Variants in SEC22A observed in about 807,000 individuals in gnomAD.
SEC22A encodes the protein SEC22 homolog A, vesicle trafficking protein, also known as vesicle-trafficking protein SEC22a.
In SEC22A, 22 loss-of-function variants were observed where a neutral mutation model predicts 35.3. That is an observed-to-expected ratio of 0.62 (90% confidence interval 0.45 to 0.89). The LOEUF (loss-of-function observed/expected upper bound fraction) is 0.89. Ranked by LOEUF, SEC22A falls within the 40% of genes least tolerant of loss-of-function variation. The pLI, the probability that SEC22A is intolerant of heterozygous loss-of-function variation, is 0.00. For synonymous variants in SEC22A, 119 were observed against 129.5 expected (o/e 0.92, Z 0.55); for missense variants, 354 against 362.5 (o/e 0.98, Z 0.19).
intron 4 of SEC22A, among the ~76,000 whole-genome samples, chr3:123,225,513 T>G (rs923767419): frequency 2.0e-5 from 3 of 152,196 alleles, no homozygotes; most frequent in Non-Finnish European, 4.4e-5. Flanking sequence ...AGGATCTCTT[T>G]GCTAGAAAAA....
At position 123,245,966 on chromosome 3, in the gene SEC22A, A is replaced by C. The variant is rs762968211; in HGVS notation, c.609A>C (p.Gly203=). The C allele has an allele frequency of 9.3e-6, 15 of 1,613,344 alleles. No individual in the cohort carries two copies. Among genetic ancestry groups the C allele is most frequent in the South Asian group, 2.2e-5 (2 of 91,034 alleles). The change falls in exon 5 of 7, where the codon GGA becomes GGC. Residue 203 remains glycine, a synonymous_variant. Coordinates refer to ENST00000492595, the MANE Select transcript of SEC22A (RefSeq NM_012430.5). ...IVGFILSLLC[G]ALNLIRGFHA... Reference sequence around the variant, plus strand: ...GATTTATCCTTAGTCTTTTATGTGGAGCTCTGAATTTAATTCGAGGCTTTC... The same window carrying C: ...GATTTATCCTTAGTCTTTTATGTGGCGCTCTGAATTTAATTCGAGGCTTTC...
At chr3:123,242,703 C>G (rs1232010347) in intron 4 of SEC22A, among the ~76,000 whole-genome samples, 3 of 152,108 alleles carry the variant, frequency 2.0e-5, no homozygotes, top group African/African-American at 7.2e-5. Flanking sequence ...GTGAAGATGG[C>G]CCTTCTGGCT....
chr3:123,245,038 G>A (rs934944582), intron 4 of SEC22A, among the ~76,000 whole-genome samples: 1 of 152,144 alleles, frequency 6.6e-6, no homozygotes, highest in Non-Finnish European at 1.5e-5. Context: ...ACCTTCCAGT[G>A]TTATTCAGAG....
chr3:123,206,059 A>C (rs1325053431), intron 1 of SEC22A, among the ~76,000 whole-genome samples: 1 of 152,216 alleles, frequency 6.6e-6, no homozygotes, highest in Non-Finnish European at 1.5e-5. Flanking sequence ...GTCTATTCAT[A>C]ATATTTCTAT....
intron 6 of SEC22A, among the ~76,000 whole-genome samples, chr3:123,260,597 CT>C (rs1476339751): frequency 1.3e-5 from 2 of 152,110 alleles, no homozygotes; most frequent in Non-Finnish European, 2.9e-5. Context: ...GCAAGAATGT[CT>C]TTGTTAAAAC....
intron 2 of SEC22A, among the ~76,000 whole-genome samples, chr3:123,210,869 C>T (rs762700102): frequency 6.6e-5 from 10 of 151,920 alleles, no homozygotes; most frequent in South Asian, 2.1e-4. Flanking sequence ...TCCAGGTGTA[C>T]GGAGGAGAGG....
At chr3:123,224,174 G>A (rs1937180067) in intron 3 of SEC22A, among the ~76,000 whole-genome samples, 1 of 151,910 alleles carries the variant, frequency 6.6e-6, no homozygotes, top group South Asian at 2.1e-4. Flanking sequence ...ACGTAAATGA[G>A]TGCAGTTATA....
In SEC22A at chr3:123,272,614, CT is replaced by C. The variant is rs1938198751; in HGVS notation, c.*893del. ...CACAAAAAATGTTGTTCAGTTCTAG[CT>C]AGAAACTAATGCCTAGAAAGGCTCC... On this transcript the variant is annotated 3_prime_UTR_variant, in exon 7 of 7. Transcript: ENST00000492595. 1 of 152,278 alleles carries C rather than the reference CT, an allele frequency of 6.6e-6. No individual in the cohort carries two copies. The highest frequency in any genetic ancestry group is 2.1e-4 in the South Asian group (1 of 4,822). 9.4% of individuals were successfully genotyped at this position (152,278 alleles called of 1,614,324 possible). A position where few individuals can be genotyped will look rare whatever the true frequency, so the allele number is the denominator to read the frequency against.
intron 4 of SEC22A, among the ~76,000 whole-genome samples, chr3:123,245,272 A>G (rs1336619336): frequency 1.3e-5 from 2 of 152,236 alleles, no homozygotes; most frequent in African/African-American, 4.8e-5. Flanking sequence ...CACCTTTACA[A>G]ATACTTTCAC....
chr3:123,220,866 T>TCATATA (rs1937107695), intron 2 of SEC22A, among the ~76,000 whole-genome samples: 1 of 71,738 alleles, frequency 1.4e-5, no homozygotes, highest in African/African-American at 5.0e-5. Flanking sequence ...AAAAAAGGTC[T>TCATATA]CATATATATA....
chr3:123,214,379 C>T (rs543618244), intron 2 of SEC22A, among the ~76,000 whole-genome samples: 17 of 152,230 alleles, frequency 1.1e-4, no homozygotes, highest in African/African-American at 3.1e-4. Flanking sequence ...TTGTGCATGT[C>T]GTAGTAGCTA....
intron 5 of SEC22A, among the ~76,000 whole-genome samples, chr3:123,258,721 T>C: frequency 1.1e-5 from 1 of 94,144 alleles, no homozygotes; most frequent in East Asian, 2.5e-4. Context: ...TATAAAGAGG[T>C]TTTTTTTTTC....
rs1433321578 is a variant in SEC22A at position 123,273,808 on chromosome 3, C to CAAAAAAAAAA, written c.*2092_*2093insAAAAAAAAAA. On this transcript the variant is annotated 3_prime_UTR_variant, in exon 7 of 7. Coordinates refer to ENST00000492595, the MANE Select transcript of SEC22A (RefSeq NM_012430.5). ...TGGCCAACAGAGCGAGACTCTGTCT[C>CAAAAAAAAAA]AAAAAAGAAAGGTTTTCTAAACTAA... 6.6e-6 allele frequency: 1 copy of CAAAAAAAAAA among 151,634 alleles called. No individual in the cohort carries two copies. The highest frequency in any genetic ancestry group is 1.5e-5 in the Non-Finnish European group (1 of 67,972). The allele number at this position is 151,634 out of a possible 1,614,324, so 9.4% of individuals were successfully genotyped here.
chr3:123,245,803 T>C, intron 4 of SEC22A, 96 bp from the exon 5 acceptor site: 1 of 685,280 alleles, frequency 1.5e-6, no homozygotes, highest in Non-Finnish European at 2.6e-6. Flanking sequence ...AGTATCTGCT[T>C]GACCCATTTA....
intron 6 of SEC22A, among the ~76,000 whole-genome samples, chr3:123,271,035 A>G (rs1938148313): frequency 6.6e-6 from 1 of 152,220 alleles, no homozygotes; most frequent in East Asian, 1.9e-4. Flanking sequence ...CAGATGCTGT[A>G]CCTAGCATAG....
chr3:123,238,553 A>G (rs1388240292), intron 4 of SEC22A, among the ~76,000 whole-genome samples: 2 of 152,160 alleles, frequency 1.3e-5, no homozygotes, highest in Non-Finnish European at 2.9e-5. Flanking sequence ...AGCCTACATA[A>G]TATTTTCTAT....
rs533386545 is a variant in SEC22A at position 123,260,131 on chromosome 3, CAAAAAAAAAAAAAAAAAAAAAAA to C, written c.723+558_723+580del. Among the ~76,000 whole-genome samples the C allele has an allele frequency of 3.1e-3, 153 of 49,786 alleles. 1 individual carries two copies. The highest frequency in any genetic ancestry group is 0.014 in the African/African-American group (145 of 10,162). The allele number at this position is 49,786 out of a possible 152,430, so 32.7% of individuals were successfully genotyped here. A position where few individuals can be genotyped will look rare whatever the true frequency, so the allele number is the denominator to read the frequency against. On this transcript the variant is annotated intron_variant, in intron 6 of 6. Transcript: ENST00000492595. Reference sequence around the variant, plus strand: ...TGGGCAACAGAGCGAGACTACATCTCAAAAAAAAAAAAAAAAAAAAAAAAAAAAAAAAAAAAAACTACTAGATT... The same window carrying C: ...TGGGCAACAGAGCGAGACTACATCTCAAAAAAAAAAAAAAACTACTAGATT...
intron 6 of SEC22A, among the ~76,000 whole-genome samples, chr3:123,266,610 A>C (rs1479312939): frequency 6.6e-6 from 1 of 151,842 alleles, no homozygotes; most frequent in Non-Finnish European, 1.5e-5. Context: ...TCCCTTACTG[A>C]TTTCCAGTTT....
intron 4 of SEC22A, among the ~76,000 whole-genome samples, chr3:123,229,011 GCTAACATAGGTGTGA>G (rs1228017028): frequency 2.0e-5 from 3 of 152,254 alleles, no homozygotes; most frequent in South Asian, 2.1e-4. Flanking sequence ...AATGGGGCAT[GCTAACATAGGTGTGA>G]TAGGATACCG....
Sources: gnomAD v4.1 joint callset for allele counts (sites outside exome capture counted in the v4.1 genomes callset) on GRCh38, gnomAD v4.1.1 for gene constraint, MANE v1.5 for transcripts, NCBI Gene and HGNC (gene_info 2026-07-23, HGNC 2026-07-21) for gene names.